The following AP1S3 variants were observed in gnomAD, a reference collection of about 807,000 sequenced individuals.
The protein encoded by AP1S3 is AP-1 complex subunit sigma-3.
AP1S3 carries 10 observed loss-of-function variants against 20.9 expected under a neutral mutation model. That is an observed-to-expected ratio of 0.48 (90% confidence interval 0.29 to 0.81). The LOEUF (loss-of-function observed/expected upper bound fraction) is 0.81. Among genes scored for constraint, AP1S3 ranks in the 30% least tolerant of loss-of-function variants. The probability of loss-of-function intolerance (pLI) is 0.08; values close to 1 mark genes in which losing one functional copy is unlikely to be tolerated. For synonymous variants in AP1S3, 41 were observed against 61.5 expected (o/e 0.67, Z 1.56); for missense variants, 154 against 183.8 (o/e 0.84, Z 0.94).
chr2:223,811,637 G>A (rs977545836), intron 1 of AP1S3, among the ~76,000 whole-genome samples: 1 of 151,820 alleles, frequency 6.6e-6, no homozygotes, highest in Non-Finnish European at 1.5e-5. Context: ...GGTTGTTTTG[G>A]GCCCCATTTT....
intron 1 of AP1S3, among the ~76,000 whole-genome samples, chr2:223,829,434 C>G (rs1692207829): frequency 6.6e-6 from 1 of 152,050 alleles, no homozygotes; most frequent in African/African-American, 2.4e-5. Flanking sequence ...CAAGACTAGC[C>G]TGGCCAACGT....
chr2:223,758,611 T>G lies in AP1S3; in HGVS notation c.*104A>C. ...GTTAACAAAGAATCCCTTTAAATTA[T>G]TTTTGGCATGGTGCCTGAGGCTCCA... On this transcript the variant is annotated 3_prime_UTR_variant, in exon 5 of 5. Transcript: ENST00000396654. The G allele has an allele frequency of 7.1e-7, 1 of 1,405,040 alleles. No homozygotes were observed. Among genetic ancestry groups the G allele is most frequent in the African/African-American group, 1.5e-5 (1 of 68,044 alleles). 87.0% of individuals were successfully genotyped at this position (1,405,040 alleles called of 1,614,324 possible). A position where few individuals can be genotyped will look rare whatever the true frequency, so the allele number is the denominator to read the frequency against.
chr2:223,800,201 C>A (rs1457230308), intron 1 of AP1S3, among the ~76,000 whole-genome samples: 1 of 143,782 alleles, frequency 7.0e-6, no homozygotes, highest in Non-Finnish European at 1.5e-5. Context: ...GGCAACAAAG[C>A]GAGATTGCGT....
At chr2:223,817,675 G>A (rs116676489) in intron 1 of AP1S3, among the ~76,000 whole-genome samples, 1,856 of 151,422 alleles carry the variant, frequency 0.012, 70 homozygotes, top group African/African-American at 0.042. Flanking sequence ...GGGGAAAGAT[G>A]CCCTGTTTGG....
intron 1 of AP1S3, among the ~76,000 whole-genome samples, chr2:223,810,693 CA>C (rs1396472702): frequency 6.6e-6 from 1 of 151,396 alleles, no homozygotes; most frequent in Non-Finnish European, 1.5e-5. Flanking sequence ...AGAAACAACA[CA>C]AAAAAAGTCT....
chr2:223,758,289 G>GA lies in AP1S3; in HGVS notation c.*425dup, dbSNP rs1690272348. The GA allele has an allele frequency of 1.0e-6, 1 of 975,708 alleles. No individual in the cohort carries two copies. The highest frequency in any genetic ancestry group is 1.8e-5 in the African/African-American group (1 of 56,968). The allele number at this position is 975,708 out of a possible 1,614,324, so 60.4% of individuals were successfully genotyped here. A position where few individuals can be genotyped will look rare whatever the true frequency, so the allele number is the denominator to read the frequency against. ...TAATTTTGAATTATTATACAATTTA[G>GA]AAAACTAAACATTTAGAAAAAGTAT... is the stretch of plus-strand genomic sequence containing the variant. On this transcript the variant is annotated 3_prime_UTR_variant, in exon 5 of 5. Coordinates refer to ENST00000396654, the MANE Select transcript of AP1S3 (RefSeq NM_001039569.2).
intron 1 of AP1S3, among the ~76,000 whole-genome samples, chr2:223,806,706 T>C (rs756972742): frequency 1.3e-5 from 2 of 152,186 alleles, no homozygotes; most frequent in African/African-American, 4.8e-5. Flanking sequence ...TACATTCTTA[T>C]AGATAAAAAC....
intron 1 of AP1S3, among the ~76,000 whole-genome samples, chr2:223,816,058 C>T (rs1387558915): frequency 2.0e-5 from 3 of 152,134 alleles, no homozygotes; most frequent in Admixed American, 6.6e-5. Flanking sequence ...TGCAGTGAGC[C>T]GTGATCATGC....
rs765664126 is a variant in AP1S3, at chr2:223,756,416, A to AAG, written c.*2298_*2299insCT. The AAG allele has an allele frequency of 5.5e-6, 3 of 546,530 alleles. No individual in the cohort carries two copies. The highest frequency in any genetic ancestry group is 6.7e-6 in the Non-Finnish European group (3 of 444,526). 33.9% of individuals were successfully genotyped at this position (546,530 alleles called of 1,614,324 possible). The stretch of plus-strand genomic sequence containing the variant: ...AGGGAAGGAAGGAAGGGAGGGAAGG[A>AAG]GAGAGAGAGAAGAAGGAAGGAAGAA... On this transcript the variant is annotated 3_prime_UTR_variant, in exon 5 of 5. Coordinates refer to ENST00000396654, the MANE Select transcript of AP1S3 (RefSeq NM_001039569.2).
Position 223,822,862 on chromosome 2 carries a change from T to C in AP1S3, c.3+14586A>G, listed in dbSNP as rs750655951. Among the ~76,000 whole-genome samples, 68 of 150,926 alleles carry C rather than the reference T, an allele frequency of 4.5e-4. No individual in the cohort carries two copies. The Middle Eastern group carries it at 0.01, about 23-fold the overall frequency. ...TCCAGTAAGGGGTTAATGTACAAAA[T>C]ACATAAGGAACTCAAACAACTCAAT... is the stretch of plus-strand genomic sequence containing the variant. On this transcript the variant is annotated intron_variant, in intron 1 of 4. Transcript: ENST00000396654.
intron 1 of AP1S3, among the ~76,000 whole-genome samples, chr2:223,832,031 C>T (rs563054059): frequency 6.6e-6 from 1 of 150,508 alleles, no homozygotes; most frequent in African/African-American, 2.4e-5. Flanking sequence ...GAGCAGAGAT[C>T]GTGCCACTGC....
chr2:223,834,243 A>G (rs747025058), intron 1 of AP1S3, among the ~76,000 whole-genome samples: 19 of 152,162 alleles, frequency 1.2e-4, no homozygotes, highest in Non-Finnish European at 2.6e-4. Context: ...AGATATTAAC[A>G]TATTTTAAAA....
chr2:223,769,292 A>T (rs148190816), intron 3 of AP1S3, among the ~76,000 whole-genome samples: 11 of 152,370 alleles, frequency 7.2e-5, no homozygotes, highest in Non-Finnish European at 1.2e-4. Context: ...ATTGATAAAT[A>T]CTAAAATGTG....
At chr2:223,765,121 G>A (rs1690445451) in intron 4 of AP1S3, 92 bp downstream of exon 4, 2 of 1,483,328 alleles carry the variant, frequency 1.3e-6, no homozygotes, top group Non-Finnish European at 1.8e-6. Flanking sequence ...CACAGAGTAA[G>A]TACTCAGTAA....
intron 1 of AP1S3, among the ~76,000 whole-genome samples, chr2:223,799,981 A>G (rs547581353): frequency 1.3e-5 from 2 of 152,210 alleles, no homozygotes; most frequent in Non-Finnish European, 2.9e-5. Flanking sequence ...GAAGTGGGGC[A>G]AGGAGGGCGG....
At chr2:223,818,021 A>G (rs994348580) in intron 1 of AP1S3, among the ~76,000 whole-genome samples, 1 of 152,046 alleles carries the variant, frequency 6.6e-6, no homozygotes, top group African/African-American at 2.4e-5. Context: ...CATATTGAAG[A>G]CAAAAAAGAT....
At chr2:223,794,831 G>A (rs888660657) in intron 1 of AP1S3, among the ~76,000 whole-genome samples, 9 of 152,136 alleles carry the variant, frequency 5.9e-5, no homozygotes, top group African/African-American at 9.7e-5. Context: ...ACCCCCATCC[G>A]AGGGGCTTTC....
chr2:223,823,349 G>A (rs6752410), intron 1 of AP1S3, among the ~76,000 whole-genome samples: 49,038 of 151,972 alleles, frequency 0.32, 8,331 homozygotes, highest in Middle Eastern at 0.43. Context: ...CTAAATGTCC[G>A]TCAGTGGATG....
At position 223,786,874 on chromosome 2, in the gene AP1S3, C is replaced by T. The variant is rs183072828; in HGVS notation, c.4-9005G>A. The stretch of plus-strand genomic sequence containing the variant: ...GAGCTGAGATCATGCCACTGCCCTC[C>T]AGCCTGGGTGACAAAGTGAGACCCT... On this transcript the variant is annotated intron_variant, in intron 1 of 4. Coordinates refer to ENST00000396654, the MANE Select transcript of AP1S3 (RefSeq NM_001039569.2). Among the ~76,000 whole-genome samples, 79 of 152,164 alleles carry T rather than the reference C, an allele frequency of 5.2e-4. 1 individual carries two copies. Among genetic ancestry groups the T allele is most frequent in the Non-Finnish European group, 1.1e-3 (76 of 68,006 alleles).
Sources: gnomAD v4.1 joint callset for allele counts (sites outside exome capture counted in the v4.1 genomes callset) on GRCh38, gnomAD v4.1.1 for gene constraint, MANE v1.5 for transcripts, NCBI Gene and HGNC (gene_info 2026-07-23, HGNC 2026-07-21) for gene names.